The following MED26 variants were observed in gnomAD, a reference collection of about 807,000 sequenced individuals.
The protein encoded by MED26 is mediator of RNA polymerase II transcription subunit 26.
In MED26, 7 loss-of-function variants were observed where a neutral mutation model predicts 43.7. The ratio of observed to expected loss-of-function variants is 0.16; its 90% CI spans 0.09 to 0.30. The LOEUF (loss-of-function observed/expected upper bound fraction) is 0.30, where lower values mean the gene tolerates loss of function less well. MED26 is among the 10% of genes least tolerant of loss of function. The pLI is 1.00. For missense variants in MED26, 784 were observed against 840.6 expected (o/e 0.93, Z 0.83); for synonymous variants, 375 against 371.1 (o/e 1.01, Z -0.12).
At chr19:16,621,790 G>A (rs1405587321) in intron 1 of MED26, among the ~76,000 whole-genome samples, 1 of 152,058 alleles carries the variant, frequency 6.6e-6, no homozygotes, top group Non-Finnish European at 1.5e-5. Flanking sequence ...ACTTCCCTAA[G>A]CACATCACAG....
Sources: allele counts gnomAD v4.1 joint callset (sites outside exome capture counted in the v4.1 genomes callset), GRCh38; gene constraint gnomAD v4.1.1; transcripts MANE v1.5; gene names NCBI Gene and HGNC (gene_info 2026-07-23, HGNC 2026-07-21).